Variants in AMOTL2 observed in about 807,000 individuals in gnomAD.
AMOTL2 encodes the protein angiomotin-like protein 2.
In AMOTL2, 33 loss-of-function variants were observed where a neutral mutation model predicts 78.4. That is an observed-to-expected ratio of 0.42 (90% CI 0.32 to 0.56). The LOEUF is 0.56. Ranked by LOEUF, AMOTL2 falls within the 20% of genes least tolerant of loss-of-function variation. AMOTL2 has a pLI of 0.12. For synonymous variants in AMOTL2, 422 were observed against 428.8 expected (o/e 0.98, Z 0.20); for missense variants, 983 against 1,030.1 (o/e 0.95, Z 0.63).
chr3:134,367,456 C>T (rs2017657468), intron 3 of AMOTL2, 41 bp downstream of exon 3: 1 of 1,596,408 alleles, frequency 6.3e-7, no homozygotes, highest in African/African-American at 1.4e-5. Context: ...CCCTCGGGGT[C>T]TCTTTCTGGT....
chr3:134,375,243 T>TA, upstream of AMOTL2: 1 of 1,535,690 alleles, frequency 6.5e-7, no homozygotes, highest in Non-Finnish European at 8.7e-7. Flanking sequence ...AAGGTGATAA[T>TA]AGGCGCCCCT....
intron 3 of AMOTL2, 70 bp downstream of exon 3, chr3:134,367,427 T>C: frequency 6.4e-7 from 1 of 1,556,626 alleles, no homozygotes; most frequent in Non-Finnish European, 8.7e-7. Flanking sequence ...CTCCTTGGAC[T>C]ACCCACTCCC....
At chr3:134,362,563 C>T (rs990128648) in intron 5 of AMOTL2, among the ~76,000 whole-genome samples, 1 of 152,228 alleles carries the variant, frequency 6.6e-6, no homozygotes, top group Non-Finnish European at 1.5e-5. Context: ...GAAAAGAACA[C>T]TGAGATGTAA....
chr3:134,374,901 C>CTG (rs749884597), upstream of AMOTL2: 177,058 of 1,128,194 alleles, frequency 0.16, 3,540 homozygotes, highest in African/African-American at 0.29. Flanking sequence ...GGGACTCCGG[C>CTG]TGTGTGTGTG....
At chr3:134,373,096 G>A (rs2017937804) in intron 1 of AMOTL2, among the ~76,000 whole-genome samples, 2 of 152,126 alleles carry the variant, frequency 1.3e-5, no homozygotes, top group Admixed American at 6.5e-5. Flanking sequence ...GCTGGGGAGT[G>A]GGGGATGAGT....
upstream of AMOTL2, chr3:134,374,783 A>G (rs1287376302): frequency 9.8e-7 from 1 of 1,018,738 alleles, no homozygotes; most frequent in Non-Finnish European, 1.2e-6. Flanking sequence ...TCTGCCCATT[A>G]TCGCCTCCAC....
chr3:134,374,132 C>G (rs1194443600), intron 1 of AMOTL2: 3 of 741,776 alleles, frequency 4.0e-6, no homozygotes, highest in African/African-American at 1.9e-5. Context: ...TCTAGAGCCC[C>G]GCAAAGCCCA....
chr3:134,358,709 T>C lies in AMOTL2; in HGVS notation c.2115A>G (p.Ala705=). 10 of 1,614,098 alleles carry C rather than the reference T, an allele frequency of 6.2e-6. No homozygotes were observed. The highest frequency in any genetic ancestry group is 8.5e-6 in the Non-Finnish European group (10 of 1,180,014). Residue 705 remains alanine, a synonymous_variant, in exon 9 of 10, where the codon GCA becomes GCG. Transcript: ENST00000249883. The part of the protein sequence containing the change: ...APARLTTADR[A]PTEEPVVTAP... ...CTGTGACCACTGGCTCCTCTGTGGG[T>C]GCTCTGTCTGCTGGAAAGGTAGGTG...
chr3:134,365,854 G>A lies in AMOTL2; in HGVS notation c.1242C>T (p.Ala414=), dbSNP rs147521061. The A allele has an allele frequency of 1.7e-4, 268 of 1,614,016 alleles. No individual in the cohort carries two copies. The highest frequency in any genetic ancestry group is 1.2e-4 in the African/African-American group (9 of 74,916). ...RLASKTQEAQ[A]GSQDMVAKLL... ...GCTTGGCCACCATGTCCTGACTGCC[G>A]GCCTGGGCCTCCTGTGTCTTGCTTG... The change falls in exon 5 of 10, where the codon GCC becomes GCT. Residue 414 remains alanine (A), a synonymous_variant. Transcript: ENST00000249883.
chr3:134,363,606 C>G (rs947159686), intron 5 of AMOTL2, among the ~76,000 whole-genome samples: 1 of 152,236 alleles, frequency 6.6e-6, no homozygotes, highest in Non-Finnish European at 1.5e-5. Flanking sequence ...GCCTCAAGGC[C>G]AGATCCCCAG....
At chr3:134,358,413 A>G in intron 9 of AMOTL2, 127 bp downstream of exon 9, 1 of 1,183,342 alleles carries the variant, frequency 8.5e-7, no homozygotes, top group Non-Finnish European at 1.2e-6. Context: ...CTGGCTATGC[A>G]CGGCTCCCCA....
chr3:134,363,901 T>A (rs2017483013), intron 5 of AMOTL2, among the ~76,000 whole-genome samples: 1 of 152,134 alleles, frequency 6.6e-6, no homozygotes, highest in Admixed American at 6.5e-5. Context: ...AAGGCCCTGG[T>A]GGGGGCTGGG....
In AMOTL2 at chr3:134,370,804, T is replaced by G; in HGVS notation, c.630A>C (p.Pro210=). ...PAEGPESRGP[P]PQYPHVVLAH... is the part of the protein sequence containing the mutation. The stretch of plus-strand genomic sequence containing the variant: ...CTAGTACAACATGAGGGTACTGAGG[T>G]GGGGGTCCTCGGGACTCTGGGCCCT... The change falls in exon 2 of 10, where the codon CCA becomes CCC. Residue 210 remains proline, a synonymous_variant. Coordinates refer to ENST00000249883, the MANE Select transcript of AMOTL2 (RefSeq NM_016201.4). 6.4e-7 allele frequency: 1 copy of G among 1,561,212 alleles called. No individual in the cohort carries two copies. Among genetic ancestry groups the G allele is most frequent in the Non-Finnish European group, 8.7e-7 (1 of 1,153,364 alleles).
chr3:134,369,885 A>T (rs1209424188), intron 2 of AMOTL2, among the ~76,000 whole-genome samples: 5 of 152,164 alleles, frequency 3.3e-5, no homozygotes, highest in South Asian at 2.1e-4. Flanking sequence ...GTTTCTAGGA[A>T]CACTTATTTC....
intron 9 of AMOTL2, 55 bp downstream of exon 9, chr3:134,358,485 A>G (rs2017172766): frequency 1.9e-6 from 3 of 1,558,180 alleles, no homozygotes; most frequent in Non-Finnish European, 2.6e-6. Context: ...TCCAGTTCAC[A>G]CCCCAGTGCC....
chr3:134,374,709 C>T (rs956871789), upstream of AMOTL2: 4 of 981,934 alleles, frequency 4.1e-6, no homozygotes, highest in Non-Finnish European at 4.8e-6. Context: ...CCCTCCAGGC[C>T]GCGGTGTGTC....
intron 1 of AMOTL2, 79 bp downstream of exon 1, chr3:134,374,263 G>C: frequency 1.0e-6 from 1 of 985,492 alleles, no homozygotes; most frequent in Non-Finnish European, 1.2e-6. Flanking sequence ...AGGCCGGGTT[G>C]CGCCGAGACT....
chr3:134,374,896 T>C, upstream of AMOTL2: 2 of 1,269,812 alleles, frequency 1.6e-6, no homozygotes, highest in Non-Finnish European at 2.0e-6. Context: ...GGGAGGGGAC[T>C]CCGGCTGTGT....
At position 134,360,384 on chromosome 3, in the gene AMOTL2, A is replaced by G. The variant is rs2017303481; in HGVS notation, c.1605T>C (p.Ser535=). ...QRQAGAPGGS[S]GSGGSPELSA... is the part of the protein sequence containing the mutation. Reference sequence around the variant, plus strand: ...TGAGCTCTGGAGACCCACCACTGCCACTGCTACCACCTGGGGCACCTGCCT... The same window carrying G: ...TGAGCTCTGGAGACCCACCACTGCCGCTGCTACCACCTGGGGCACCTGCCT... The change falls in exon 7 of 10, where the codon AGT becomes AGC. Residue 535 remains serine, a synonymous_variant. Transcript: ENST00000249883. The G allele has an allele frequency of 1.2e-6, 2 of 1,612,828 alleles. No individual in the cohort carries two copies. Among genetic ancestry groups the G allele is most frequent in the Non-Finnish European group, 1.7e-6 (2 of 1,179,262 alleles).
Sources: allele counts gnomAD v4.1 joint callset (sites outside exome capture counted in the v4.1 genomes callset), GRCh38; gene constraint gnomAD v4.1.1; transcripts MANE v1.5; gene names NCBI Gene and HGNC (gene_info 2026-07-23, HGNC 2026-07-21).